The following CRADD variants were observed in gnomAD, a reference collection of about 807,000 sequenced individuals.
CRADD encodes death domain-containing protein CRADD.
Under a neutral mutation model 15.5 loss-of-function variants are expected in CRADD, and 9 were observed. The observed-to-expected ratio is 0.58, with a 90% CI of 0.35 to 1.01. The LOEUF (loss-of-function observed/expected upper bound fraction) is 1.01. CRADD is among the 50% of genes least tolerant of loss of function. The pLI is 0.02. For synonymous variants in CRADD, 118 were observed against 107.6 expected (o/e 1.10, Z -0.60); for missense variants, 227 against 250.3 (o/e 0.91, Z 0.63).
chr12:93,762,497 G>A (rs1956978211), intron 2 of CRADD, among the ~76,000 whole-genome samples: 1 of 152,214 alleles, frequency 6.6e-6, no homozygotes, highest in African/African-American at 2.4e-5. Flanking sequence ...GGTCAGTAAA[G>A]GCCTCATGGG....
At chr12:93,884,285 C>G (rs1958521309) in intron 2 of CRADD, among the ~76,000 whole-genome samples, 1 of 152,196 alleles carries the variant, frequency 6.6e-6, no homozygotes, top group Non-Finnish European at 1.5e-5. Flanking sequence ...AAGGCCTAAG[C>G]AGAATCTCCT....
At position 93,733,540 on chromosome 12, in the gene CRADD, C is replaced by G. The variant is rs373090020; in HGVS notation, c.298+54468C>G. The stretch of plus-strand genomic sequence containing the variant: ...GCTGTGCTTGCCCCCATCACCCAGC[C>G]GTCTGGAATAGCTGCTGGAGGTGCC... On this transcript the variant is annotated intron_variant, in intron 2 of 2. Coordinates refer to ENST00000332896, the MANE Select transcript of CRADD (RefSeq NM_003805.5). 6 of 152,262 alleles carry G rather than the reference C, an allele frequency of 3.9e-5. No homozygotes were observed. In the East Asian group the frequency reaches 1.2e-3, roughly 29 times the overall value. The allele number at this position is 152,262 out of a possible 1,614,324, so 9.4% of individuals were successfully genotyped here. A position where few individuals can be genotyped will look rare whatever the true frequency, so the allele number is the denominator to read the frequency against.
chr12:93,889,363 C>T (rs1305573995), intron 2 of CRADD, among the ~76,000 whole-genome samples: 1 of 152,130 alleles, frequency 6.6e-6, no homozygotes. Context: ...TCAGGTTCCT[C>T]CAGGTGCTCT....
At chr12:93,847,750 GA>G (rs931955645) in intron 2 of CRADD, among the ~76,000 whole-genome samples, 5 of 151,878 alleles carry the variant, frequency 3.3e-5, no homozygotes, top group African/African-American at 7.2e-5. Context: ...TTATGTAAGT[GA>G]AAAAAAATCA....
chr12:93,720,790 C>T (rs904731156), intron 2 of CRADD, among the ~76,000 whole-genome samples: 3 of 152,194 alleles, frequency 2.0e-5, no homozygotes, highest in Non-Finnish European at 4.4e-5. Context: ...TTTAAATCTA[C>T]ATATGTCTTT....
chr12:93,732,812 A>G (rs1252182414), intron 2 of CRADD, among the ~76,000 whole-genome samples: 2 of 152,220 alleles, frequency 1.3e-5, no homozygotes, highest in Non-Finnish European at 1.5e-5. Context: ...TGTAAAGAGC[A>G]TAACTGCCTG....
At chr12:93,761,313 G>C (rs1956958769) in intron 2 of CRADD, among the ~76,000 whole-genome samples, 1 of 152,202 alleles carries the variant, frequency 6.6e-6, no homozygotes, top group Non-Finnish European at 1.5e-5. Flanking sequence ...AGGGTACACG[G>C]GGGAGAAGGG....
chr12:93,823,454 C>G (rs537599025), intron 2 of CRADD, among the ~76,000 whole-genome samples: 13 of 152,258 alleles, frequency 8.5e-5, no homozygotes, highest in Admixed American at 7.9e-4. Flanking sequence ...CACTTCCTAC[C>G]CTTAGACTAA....
chr12:93,861,333 G>C (rs1034763945), intron 2 of CRADD, among the ~76,000 whole-genome samples: 4 of 152,254 alleles, frequency 2.6e-5, no homozygotes, highest in Admixed American at 2.0e-4. Flanking sequence ...GACCAGTGAG[G>C]AGCTGTTGCA....
chr12:93,682,944 C>T (rs1251766957), intron 2 of CRADD, among the ~76,000 whole-genome samples: 3 of 152,162 alleles, frequency 2.0e-5, no homozygotes, highest in East Asian at 1.9e-4. Context: ...ACCTTGGCAC[C>T]GTGGAGAGAA....
At chr12:93,831,394 A>T (rs1259995583) in intron 2 of CRADD, 1 of 152,118 alleles carries the variant, frequency 6.6e-6, no homozygotes, top group Admixed American at 6.6e-5. Flanking sequence ...TTTTTTAATA[A>T]TTTTTTTTAT....
intron 2 of CRADD, among the ~76,000 whole-genome samples, chr12:93,841,005 A>G (rs1283711278): frequency 6.6e-6 from 1 of 152,132 alleles, no homozygotes; most frequent in East Asian, 1.9e-4. Flanking sequence ...AAAGTTTCCC[A>G]TATTTTGAAT....
intron 2 of CRADD, among the ~76,000 whole-genome samples, chr12:93,827,032 G>A (rs952478808): frequency 1.8e-4 from 27 of 151,992 alleles, no homozygotes; most frequent in African/African-American, 4.8e-4. Flanking sequence ...GACAAGAAGG[G>A]GACAAAATAA....
chr12:93,872,410 G>A lies in CRADD; in HGVS notation c.299-21640G>A, dbSNP rs536207748. On this transcript the variant is annotated intron_variant, in intron 2 of 2. Coordinates refer to the CRADD transcript ENST00000548483. ...CTGTGCAGAAGCTCTTTAACTTGATGTGGTATCATTTGTACCTGTTTACTT... is the reference window on the plus strand; with the variant it reads ...CTGTGCAGAAGCTCTTTAACTTGATATGGTATCATTTGTACCTGTTTACTT... Among the ~76,000 whole-genome samples, 8 of 152,198 alleles carry A rather than the reference G, an allele frequency of 5.3e-5. 1 individual carries two copies. The East Asian group carries it at 1.5e-3, about 29-fold the overall frequency.
At chr12:93,697,333 T>G (rs1955732829) in intron 2 of CRADD, among the ~76,000 whole-genome samples, 1 of 152,240 alleles carries the variant, frequency 6.6e-6, no homozygotes, top group Non-Finnish European at 1.5e-5. Flanking sequence ...GGCATTCTGC[T>G]GCGGGAGGAC....
chr12:93,884,723 G>A (rs1958524409), intron 2 of CRADD, among the ~76,000 whole-genome samples: 1 of 152,114 alleles, frequency 6.6e-6, no homozygotes, highest in African/African-American at 2.4e-5. Flanking sequence ...ATGTGCCCGT[G>A]AGCCTAATCT....
In CRADD at chr12:93,756,316, A is replaced by G. The variant is rs543928248; in HGVS notation, c.298+77244A>G. ...TGTTAGTGAATGTTGGGAATGACTC[A>G]CCATAAGTTCAGCGATATTAAGATT... is the stretch of plus-strand genomic sequence containing the variant. On this transcript the variant is annotated intron_variant, in intron 2 of 2. Transcript: ENST00000332896. Among the ~76,000 whole-genome samples the G allele has an allele frequency of 3.3e-5, 5 of 152,334 alleles. No individual in the cohort carries two copies. In the East Asian group the frequency reaches 7.7e-4, roughly 24 times the overall value.
Position 93,812,950 on chromosome 12 carries a change from C to T in CRADD, c.299-37020C>T, listed in dbSNP as rs1957646207. Among the ~76,000 whole-genome samples, 4 of 152,272 alleles carry T rather than the reference C, an allele frequency of 2.6e-5. No homozygotes were observed. In the South Asian group the frequency reaches 8.3e-4, roughly 32 times the overall value. On this transcript the variant is annotated intron_variant, in intron 2 of 2. Transcript: ENST00000332896. The stretch of plus-strand genomic sequence containing the variant: ...TTGAGAATTGCCCCAGTAGAATATC[C>T]TTATTTGTCCTGCATGAAGTTTCTC...
chr12:93,883,455 G>A (rs1219764219), intron 2 of CRADD, among the ~76,000 whole-genome samples: 1 of 152,116 alleles, frequency 6.6e-6, no homozygotes, highest in Non-Finnish European at 1.5e-5. Flanking sequence ...ATATGAGTCA[G>A]GTACCACATA....
Sources: gnomAD v4.1 joint callset for allele counts (sites outside exome capture counted in the v4.1 genomes callset) on GRCh38, gnomAD v4.1.1 for gene constraint, MANE v1.5 for transcripts, NCBI Gene and HGNC (gene_info 2026-07-23, HGNC 2026-07-21) for gene names.